The following CLHC1 variants were observed in gnomAD, a reference collection of about 807,000 sequenced individuals.
CLHC1 encodes clathrin heavy chain linker domain containing 1.
In CLHC1, 72 loss-of-function variants were observed where a neutral mutation model predicts 69.5. The ratio of observed to expected loss-of-function variants is 1.04; its 90% CI spans 0.86 to 1.26. The LOEUF (loss-of-function observed/expected upper bound fraction) is 1.26. Among genes scored for constraint, CLHC1 ranks in the 50% most tolerant of loss-of-function variants. The probability of loss-of-function intolerance (pLI) is 0.00; values close to 1 mark genes in which losing one functional copy is unlikely to be tolerated. For synonymous variants in CLHC1, 223 were observed against 224.3 expected (o/e 0.99, Z 0.05); for missense variants, 790 against 679.3 (o/e 1.16, Z -1.81).
chr2:55,196,021 T>C (rs1279747915), intron 9 of CLHC1, among the ~76,000 whole-genome samples: 1 of 152,132 alleles, frequency 6.6e-6, no homozygotes, highest in African/African-American at 2.4e-5. Context: ...GAACCTGTGC[T>C]TGGTGGAGGA....
At position 55,180,686 on chromosome 2, in the gene CLHC1, T is replaced by A; in HGVS notation, c.1208A>T (p.Asp403Val). Reference sequence around the variant, plus strand: ...CTGCTCCCCATAATCACAAATCACATCCCCAGCCTCCTCAGAAAATGTCAG... The same window carrying A: ...CTGCTCCCCATAATCACAAATCACAACCCCAGCCTCCTCAGAAAATGTCAG... ...ERLTFSEEAG[D>V]VICDYGEQDT... Residue 403 changes from aspartate (D) to valine (V), a missense_variant, in exon 11 of 13, where the codon GAT (aspartate) becomes GTT (valine). By Grantham distance (152) the Asp-to-Val change is radical (BLOSUM62 -3). Transcript: ENST00000401408. 1 of 1,613,870 alleles carries A rather than the reference T, an allele frequency of 6.2e-7. No homozygotes were observed. The highest frequency in any genetic ancestry group is 1.3e-5 in the African/African-American group (1 of 74,958).
At position 55,222,276 on chromosome 2, in the gene CLHC1, C is replaced by A. The variant is rs74785222; in HGVS notation, c.136G>T (p.Ala46Ser). The A allele has an allele frequency of 0.035, 56,311 of 1,612,446 alleles. 1,186 individuals carry two copies. The highest frequency in any genetic ancestry group is 0.042 in the South Asian group (3,803 of 90,986). Residue 46 changes from alanine to serine, a missense_variant, in exon 3 of 13, where the codon GCT (alanine) becomes TCT (serine). Transcript: ENST00000401408. ...ERLGCSEEGPADEYYIIYRNV... is the reference protein window; with the variant it reads ...ERLGCSEEGPSDEYYIIYRNV... ...CGGTATATGATGTAATATTCATCAG[C>A]AGGTCCTTCCTCACTACAGCCCAGT...
chr2:55,194,174 A>C (rs1671185824), intron 9 of CLHC1, among the ~76,000 whole-genome samples: 1 of 152,184 alleles, frequency 6.6e-6, no homozygotes, highest in Non-Finnish European at 1.5e-5. Flanking sequence ...TGTAATGATG[A>C]AAATGTTCTA....
intron 2 of CLHC1, chr2:55,224,166 C>T (rs1022929876): frequency 1.2e-4 from 24 of 199,260 alleles, no homozygotes; most frequent in Admixed American, 1.1e-3. Context: ...AGCGGCGAAG[C>T]CCATACAACT....
intron 9 of CLHC1, among the ~76,000 whole-genome samples, chr2:55,191,589 G>C (rs756681249): frequency 2.6e-5 from 4 of 152,114 alleles, no homozygotes; most frequent in Non-Finnish European, 5.9e-5. Context: ...TGCTATGAAT[G>C]TAAGTATTTA....
chr2:55,185,279 G>T (rs1233085029), intron 9 of CLHC1, among the ~76,000 whole-genome samples: 2 of 152,024 alleles, frequency 1.3e-5, no homozygotes, highest in African/African-American at 2.4e-5. Flanking sequence ...TGCCAGCACC[G>T]GGAACCTCTG....
At chr2:55,199,966 G>A (rs1221309749) in intron 9 of CLHC1, among the ~76,000 whole-genome samples, 1 of 152,114 alleles carries the variant, frequency 6.6e-6, no homozygotes, top group African/African-American at 2.4e-5. Context: ...GCTCACACCT[G>A]TAATCTCAGC....
intron 2 of CLHC1, chr2:55,224,155 C>T (rs957404845): frequency 5.2e-6 from 1 of 193,592 alleles, no homozygotes; most frequent in Non-Finnish European, 1.1e-5. Context: ...TGGGGTCACC[C>T]AGCGGCGAAG....
rs13032294 is a variant in CLHC1, at chr2:55,177,747, T to C, written c.1419A>G (p.Gln473=). The change falls in exon 12 of 13, where the codon CAA becomes CAG. Residue 473 remains glutamine, a synonymous_variant. Transcript: ENST00000401408. Reference sequence around the variant, plus strand: ...TAGTGAGACACTGAATTAATTCAACTTGGGGACATGACATTAATAGCTGCA... The same window carrying C: ...TAGTGAGACACTGAATTAATTCAACCTGGGGACATGACATTAATAGCTGCA... The part of the protein sequence containing the change: ...DLLQLLMSCP[Q]VELIQCLTKE... 86,107 of 1,611,472 alleles carry C rather than the reference T, an allele frequency of 0.053. 2,574 individuals are homozygous for C. The highest frequency in any genetic ancestry group is 0.12 in the East Asian group (5,539 of 44,828).
chr2:55,179,904 C>A (rs750413707), intron 11 of CLHC1, among the ~76,000 whole-genome samples: 1 of 152,128 alleles, frequency 6.6e-6, no homozygotes, highest in Non-Finnish European at 1.5e-5. Context: ...TCTGCAATCC[C>A]AGCACTTTGA....
chr2:55,180,445 A>T, intron 11 of CLHC1, 65 bp downstream of exon 11: 2 of 1,160,260 alleles, frequency 1.7e-6, no homozygotes, highest in Admixed American at 3.7e-5. Flanking sequence ...GCTTGCTATT[A>T]TGGGTAATCT....
Position 55,222,468 on chromosome 2 carries a change from G to T in CLHC1, c.-57C>A. The T allele has an allele frequency of 1.5e-6, 2 of 1,346,544 alleles. No homozygotes were observed. The highest frequency in any genetic ancestry group is 1.5e-5 in the South Asian group (1 of 67,228). 83.4% of individuals were successfully genotyped at this position (1,346,544 alleles called of 1,614,324 possible). A position where few individuals can be genotyped will look rare whatever the true frequency, so the allele number is the denominator to read the frequency against. On this transcript the variant is annotated 5_prime_UTR_variant, in exon 3 of 13. Coordinates refer to ENST00000401408, the MANE Select transcript of CLHC1 (RefSeq NM_152385.4). ...AACAGCTAAATCTTGACCTGCTCTT[G>T]CAACAAAGCCAAAACTTTGATAAGC...
intron 9 of CLHC1, among the ~76,000 whole-genome samples, chr2:55,189,766 A>G (rs1670745650): frequency 6.6e-6 from 1 of 152,204 alleles, no homozygotes; most frequent in African/African-American, 2.4e-5. Flanking sequence ...GAAGCTACCT[A>G]AGGCCAGGGA....
At chr2:55,190,558 G>C (rs1462714990) in intron 9 of CLHC1, among the ~76,000 whole-genome samples, 1 of 152,100 alleles carries the variant, frequency 6.6e-6, no homozygotes, top group Non-Finnish European at 1.5e-5. Flanking sequence ...AGCTATATAA[G>C]AGAAACTCAA....
At chr2:55,194,882 T>C (rs370016463) in intron 9 of CLHC1, among the ~76,000 whole-genome samples, 1 of 152,114 alleles carries the variant, frequency 6.6e-6, no homozygotes, top group African/African-American at 2.4e-5. Context: ...TGCATGTGTA[T>C]TGAGAACACT....
At position 55,217,940 on chromosome 2, in the gene CLHC1, T is replaced by G. The variant is rs1673740859; in HGVS notation, c.236A>C (p.Asp79Ala). 1.3e-6 allele frequency: 2 copies of G among 1,589,580 alleles called. No homozygotes were observed. Among genetic ancestry groups the G allele is most frequent in the South Asian group, 2.3e-5 (2 of 87,314 alleles). Residue 79 changes from aspartate (D) to alanine (A), a missense_variant, in exon 4 of 13, where the codon GAT (aspartate) becomes GCT (alanine). By Grantham distance (126) the Asp-to-Ala change is moderately radical. Coordinates refer to ENST00000401408, the MANE Select transcript of CLHC1 (RefSeq NM_152385.4). Reference sequence around the variant, plus strand: ...TTTCTTTATTGTCTCAATAAAGGCATCATATTCTTTTTTGATTGAAGTAAG... The same window carrying G: ...TTTCTTTATTGTCTCAATAAAGGCAGCATATTCTTTTTTGATTGAAGTAAG... ...SILTSIKKEY[D>A]AFIETIKKDR...
chr2:55,232,336 A>C (rs1446985195), upstream of CLHC1: 1 of 241,318 alleles, frequency 4.1e-6, no homozygotes, highest in Non-Finnish European at 8.4e-6. Context: ...CCAAGGTAGA[A>C]GAAAGCAGTG....
intron 6 of CLHC1, 47 bp from the exon 7 acceptor site, chr2:55,209,563 T>C: frequency 6.3e-7 from 1 of 1,580,262 alleles, no homozygotes; most frequent in Non-Finnish European, 8.7e-7. Context: ...TAAAATCAAA[T>C]GGTGGAATAT....
intron 9 of CLHC1, among the ~76,000 whole-genome samples, chr2:55,190,208 C>G (rs1287218133): frequency 1.4e-5 from 2 of 138,300 alleles, no homozygotes; most frequent in Non-Finnish European, 3.2e-5. Flanking sequence ...CCACACCCGG[C>G]TAATTTTTTT....
Sources: gnomAD v4.1 joint callset for allele counts (sites outside exome capture counted in the v4.1 genomes callset) on GRCh38, gnomAD v4.1.1 for gene constraint, MANE v1.5 for transcripts, NCBI Gene and HGNC (gene_info 2026-07-23, HGNC 2026-07-21) for gene names.